Variants in ZNF638 observed in about 807,000 individuals in gnomAD.
ZNF638 encodes CTCL tumor antigen se33-1.
ZNF638 carries 46 observed loss-of-function variants against 195.6 expected under a neutral mutation model. The ratio of observed to expected loss-of-function variants is 0.24; its 90% CI spans 0.19 to 0.30. The LOEUF is 0.30. Among genes scored for constraint, ZNF638 ranks in the 10% least tolerant of loss-of-function variants. The pLI, the probability that ZNF638 is intolerant of heterozygous loss-of-function variation, is 1.00. For missense variants in ZNF638, 2,440 were observed against 2,325.3 expected, an observed-to-expected ratio of 1.05 and a Z score of -1.01; for synonymous variants, 845 against 772.0, an observed-to-expected ratio of 1.09 and a Z score of -1.57.
chr2:71,353,562 T>C (rs2078976214), intron 2 of ZNF638, among the ~76,000 whole-genome samples: 1 of 152,202 alleles, frequency 6.6e-6, no homozygotes, highest in Non-Finnish European at 1.5e-5. Flanking sequence ...TGGGTGTGTT[T>C]ACTGAGCTTA....
chr2:71,389,195 TCCCC>T (rs1558862067), intron 10 of ZNF638, among the ~76,000 whole-genome samples: 2 of 151,694 alleles, frequency 1.3e-5, no homozygotes, highest in Admixed American at 1.3e-4. Flanking sequence ...CTGAGCCCCC[TCCCC>T]CAATAAATTG....
At chr2:71,402,198 A>T (rs2080020490) in intron 16 of ZNF638, 111 bp downstream of exon 16, 10 of 1,130,074 alleles carry the variant, frequency 8.8e-6, no homozygotes, top group Non-Finnish European at 1.1e-5. Flanking sequence ...CTCAAAGTAA[A>T]CTTTCAAGCT....
intron 8 of ZNF638, among the ~76,000 whole-genome samples, chr2:71,372,089 T>A (rs112690085): frequency 0.01 from 1,588 of 152,242 alleles, 30 homozygotes; most frequent in African/African-American, 0.037. Flanking sequence ...TTTTTGTATA[T>A]GGTGAGAGAT....
Position 71,396,194 on chromosome 2 carries a change from A to G in ZNF638, c.2428+3A>G. 2 of 1,610,000 alleles carry G rather than the reference A, an allele frequency of 1.2e-6. No individual in the cohort carries two copies. The highest frequency in any genetic ancestry group is 1.7e-6 in the Non-Finnish European group (2 of 1,178,588). ...AGCCAAAGTAAACAAATCTACAGGTATGTTTTTTTAATTAGGATTCTAGAC... is the reference window on the plus strand; with the variant it reads ...AGCCAAAGTAAACAAATCTACAGGTGTGTTTTTTTAATTAGGATTCTAGAC... On this transcript the variant is annotated splice_donor_region_variant and intron_variant, in intron 11 of 27. Coordinates refer to ENST00000264447, the MANE Select transcript of ZNF638 (RefSeq NM_014497.5).
intron 23 of ZNF638, among the ~76,000 whole-genome samples, chr2:71,424,995 C>A (rs2080509486): frequency 6.6e-6 from 1 of 152,034 alleles, no homozygotes; most frequent in Non-Finnish European, 1.5e-5. Flanking sequence ...TACCTCCAAT[C>A]TCATATTGAC....
rs763139734 is a variant in ZNF638 at position 71,365,388 on chromosome 2, AT to A, written c.1718-34del. ...ATGTCATGAGATGGCTCCTACCTTA[AT>A]TTTTTTCCAATTGAAATTATATTTA... On this transcript the variant is annotated intron_variant, in intron 5 of 27. Transcript: ENST00000264447. 7 of 1,482,434 alleles carry A rather than the reference AT, an allele frequency of 4.7e-6. No homozygotes were observed. In the Admixed American group the frequency reaches 1.6e-4, roughly 34 times the overall value. The allele number at this position is 1,482,434 out of a possible 1,614,324, so 91.8% of individuals were successfully genotyped here. A position where few individuals can be genotyped will look rare whatever the true frequency, so the allele number is the denominator to read the frequency against.
intron 20 of ZNF638, chr2:71,408,697 C>A: frequency 2.3e-6 from 1 of 440,318 alleles, no homozygotes; most frequent in Non-Finnish European, 4.6e-6. Context: ...TGTAGGAAAG[C>A]TATGGATAGT....
At chr2:71,332,714 T>A (rs960592715) in intron 1 of ZNF638, 1 of 152,190 alleles carries the variant, frequency 6.6e-6, no homozygotes, top group Non-Finnish European at 1.5e-5. Context: ...ATAGATCTTT[T>A]GTTGTTTGAG....
At chr2:71,410,753 G>C (rs1053467733) in intron 20 of ZNF638, among the ~76,000 whole-genome samples, 1 of 152,112 alleles carries the variant, frequency 6.6e-6, no homozygotes, top group Non-Finnish European at 1.5e-5. Flanking sequence ...CTCAGCAGAA[G>C]AGTTATTTGA....
At chr2:71,406,048 T>C in intron 18 of ZNF638, 80 bp from the exon 19 acceptor site, 1 of 1,519,584 alleles carries the variant, frequency 6.6e-7, no homozygotes, top group Non-Finnish European at 9.0e-7. Context: ...ACCTCTGTAA[T>C]AGTAAGTTAA....
At chr2:71,381,037 A>C (rs1008641252) in intron 10 of ZNF638, 1 of 152,264 alleles carries the variant, frequency 6.6e-6, no homozygotes, top group Non-Finnish European at 1.5e-5. Context: ...TATACTCAGG[A>C]AAATACTTGA....
intron 19 of ZNF638, 56 bp downstream of exon 19, chr2:71,406,318 C>T: frequency 6.6e-7 from 1 of 1,506,532 alleles, no homozygotes; most frequent in Non-Finnish European, 9.2e-7. Context: ...TATAATAACC[C>T]TGTATTCTGA....
intron 2 of ZNF638, among the ~76,000 whole-genome samples, chr2:71,354,743 AAAG>A (rs2078995943): frequency 6.6e-6 from 1 of 152,014 alleles, no homozygotes; most frequent in African/African-American, 2.4e-5. Flanking sequence ...CTCAAAAAAA[AAAG>A]AAAAGAAAAA....
At chr2:71,388,519 G>C (rs1273016187) in intron 10 of ZNF638, 1 of 710,810 alleles carries the variant, frequency 1.4e-6, no homozygotes, top group South Asian at 1.5e-5. Context: ...CAGCTTATTG[G>C]GGCTGCGTTC....
At chr2:71,354,393 A>G (rs1486765490) in intron 2 of ZNF638, among the ~76,000 whole-genome samples, 1 of 150,756 alleles carries the variant, frequency 6.6e-6, no homozygotes, top group African/African-American at 2.4e-5. Flanking sequence ...TTATGGGTAC[A>G]CATTGTAATT....
chr2:71,345,824 A>C (rs1296887528), intron 1 of ZNF638, among the ~76,000 whole-genome samples: 2 of 152,178 alleles, frequency 1.3e-5, no homozygotes, highest in African/African-American at 4.8e-5. Flanking sequence ...ATAGACTTTA[A>C]TATGCTAATA....
At chr2:71,360,292 A>T (rs1453326720) in intron 3 of ZNF638, among the ~76,000 whole-genome samples, 2 of 152,232 alleles carry the variant, frequency 1.3e-5, no homozygotes, top group Non-Finnish European at 2.9e-5. Flanking sequence ...AATAAATTGC[A>T]GACATTATGG....
rs1339733560 is a variant in ZNF638 at position 71,348,818 on chromosome 2, C to T, written c.-137C>T. 1 of 1,594,026 alleles carries T rather than the reference C, an allele frequency of 6.3e-7. No individual in the cohort carries two copies. The highest frequency in any genetic ancestry group is 1.1e-5 in the South Asian group (1 of 88,900). ...TCCTTGAACCTGGGCATTGCAAACC[C>T]ACTTCTGTTGGGCCCATCTCCTTTG... On this transcript the variant is annotated 5_prime_UTR_variant, in exon 2 of 28. Transcript: ENST00000264447.
At chr2:71,428,801 A>G in intron 25 of ZNF638, 150 bp downstream of exon 25, 4 of 577,260 alleles carry the variant, frequency 6.9e-6, no homozygotes, top group East Asian at 2.9e-5. Flanking sequence ...TGTGGGTAAC[A>G]TTTTGATCTT....
Sources: allele counts gnomAD v4.1 joint callset (sites outside exome capture counted in the v4.1 genomes callset), GRCh38; gene constraint gnomAD v4.1.1; transcripts MANE v1.5; gene names NCBI Gene and HGNC (gene_info 2026-07-23, HGNC 2026-07-21).